The following HAPLN2 variants were observed in gnomAD, a reference collection of about 807,000 sequenced individuals.
The protein encoded by HAPLN2 is brain link protein-1.
Under a neutral mutation model 29.3 loss-of-function variants are expected in HAPLN2, and 27 were observed. That is an observed-to-expected ratio of 0.92 (90% confidence interval 0.68 to 1.27). The LOEUF is 1.27. Among genes scored for constraint, HAPLN2 ranks in the 50% most tolerant of loss-of-function variants. The pLI is 0.00. For missense variants in HAPLN2, 454 were observed against 484.3 expected, an observed-to-expected ratio of 0.94 and a Z score of 0.59; for synonymous variants, 208 against 211.7, an observed-to-expected ratio of 0.98 and a Z score of 0.15.
At chr1:156,624,909 G>GGGCCCCCCC in intron 6 of HAPLN2, 126 bp downstream of exon 6, 2 of 999,518 alleles carry the variant, frequency 2.0e-6, no homozygotes, top group Non-Finnish European at 2.8e-6. Flanking sequence ...CCCCCCATCA[G>GGGCCCCCCC]CCCGCCCGCC....
At chr1:156,601,828 G>A in the HAPLN2 span, among the ~76,000 whole-genome samples, 2 of 150,026 alleles carry the variant, frequency 1.3e-5, no homozygotes, top group East Asian at 4.0e-4. Context: ...GTAGGTGATA[G>A]CTGTGTCCTG....
intron 4 of HAPLN2, 71 bp from the exon 5 acceptor site, chr1:156,624,280 A>G (rs1678363674): frequency 6.6e-7 from 1 of 1,511,606 alleles, no homozygotes; most frequent in Non-Finnish European, 9.0e-7. Context: ...TCCCTCTCCC[A>G]GGCCGCGCCG....
At chr1:156,605,140 T>C in the HAPLN2 span, among the ~76,000 whole-genome samples, 1 of 151,578 alleles carries the variant, frequency 6.6e-6, no homozygotes, top group East Asian at 1.9e-4. Context: ...GTAGCACGAA[T>C]CTGTAATACC....
At position 156,623,892 on chromosome 1, in the gene HAPLN2, C is replaced by T. The variant is rs777889851; in HGVS notation, c.171C>T (p.Cys57=). ...SHRGATATLP[C]VLGTTPPSYK... is the part of the protein sequence containing the mutation. ...GTGGGGCCACGGCCACGCTGCCCTG[C>T]GTCCTGGGCACCACGCCTCCCAGCT... The change falls in exon 4 of 7, where the codon TGC becomes TGT. Residue 57 remains cysteine (C), a synonymous_variant. Coordinates refer to ENST00000255039, the MANE Select transcript of HAPLN2 (RefSeq NM_021817.3). 15 of 1,590,070 alleles carry T rather than the reference C, an allele frequency of 9.4e-6. No individual in the cohort carries two copies. The Admixed American group carries it at 2.3e-4, about 24-fold the overall frequency.
upstream of HAPLN2, among the ~76,000 whole-genome samples, chr1:156,616,716 C>T (rs185471447): frequency 6.6e-6 from 1 of 152,006 alleles, no homozygotes; most frequent in Non-Finnish European, 1.5e-5. Context: ...ATGAGAGAGA[C>T]AGTCGTGGGA....
chr1:156,623,714 G>T, intron 3 of HAPLN2, 93 bp from the exon 4 acceptor site: 1 of 1,492,192 alleles, frequency 6.7e-7, no homozygotes, highest in South Asian at 1.3e-5. Flanking sequence ...AGGGTTGGGG[G>T]GCTCTGGAGA....
the HAPLN2 span, among the ~76,000 whole-genome samples, chr1:156,602,549 CAAAAA>C: frequency 8.8e-3 from 384 of 43,788 alleles, 2 homozygotes; most frequent in Admixed American, 0.023. Context: ...CTAAAAATAC[CAAAAA>C]AAAAAAAAAA....
chr1:156,616,332 C>T (rs549875358), upstream of HAPLN2, among the ~76,000 whole-genome samples: 94 of 152,310 alleles, frequency 6.2e-4, no homozygotes, highest in Non-Finnish European at 1.1e-3. Context: ...ATGAAAGTGA[C>T]CTTGAGTAAA....
the HAPLN2 span, among the ~76,000 whole-genome samples, chr1:156,602,414 A>G: frequency 6.6e-6 from 1 of 152,014 alleles, no homozygotes; most frequent in Non-Finnish European, 1.5e-5. Context: ...ACTTGGAGAA[A>G]GATACAGGAT....
At chr1:156,610,244 T>C in the HAPLN2 span, among the ~76,000 whole-genome samples, 1 of 151,952 alleles carries the variant, frequency 6.6e-6, no homozygotes, top group Non-Finnish European at 1.5e-5. Context: ...CAAATAATGC[T>C]ACAGCCACCC....
At chr1:156,624,505 A>G in intron 5 of HAPLN2, 38 bp downstream of exon 5, 1 of 1,607,432 alleles carries the variant, frequency 6.2e-7, no homozygotes, top group Non-Finnish European at 8.5e-7. Context: ...AGCCCCGCGG[A>G]GCTGTCTCAG....
chr1:156,601,579 G>T, the HAPLN2 span: 1 of 960,770 alleles, frequency 1.0e-6, no homozygotes, highest in Non-Finnish European at 1.6e-6. Flanking sequence ...CCAATTTGCC[G>T]GTATGGTTGC....
In HAPLN2 at chr1:156,621,076, G is replaced by A. The variant is rs569161692; in HGVS notation, c.-25+918G>A. ...AATAGAGTAGCCAGATTTGGAAAAC[G>A]AATGCAGTGAAGTCAAGAAGTCTTC... On this transcript the variant is annotated intron_variant, in intron 2 of 6. Transcript: ENST00000255039. 1.6e-3 allele frequency among the ~76,000 whole-genome samples: 236 copies of A among 149,898 alleles called. No homozygotes were observed. The Middle Eastern group carries it at 0.017, about 11-fold the overall frequency.
intron 2 of HAPLN2, among the ~76,000 whole-genome samples, chr1:156,623,041 T>TAAAAA (rs1463020915): frequency 7.5e-5 from 7 of 93,266 alleles, no homozygotes; most frequent in South Asian, 4.7e-4. Flanking sequence ...CTCAAAAAAA[T>TAAAAA]AAATAAATAA....
At chr1:156,603,145 C>T in the HAPLN2 span, among the ~76,000 whole-genome samples, 2,781 of 151,482 alleles carry the variant, frequency 0.018, 80 homozygotes, top group African/African-American at 0.064. Context: ...ATGGATTCAA[C>T]AGAGAAACAT....
Position 156,620,110 on chromosome 1 carries a change from T to C in HAPLN2, c.-73T>C, listed in dbSNP as rs1678171015. On this transcript the variant is annotated 5_prime_UTR_variant, in exon 2 of 7. Coordinates refer to ENST00000255039, the MANE Select transcript of HAPLN2 (RefSeq NM_021817.3). ...CTCTTCCTCAAGCAAGACAAAAAGC[T>C]GCTAAGCACTGCTCCCTCCGTCTCT... The C allele has an allele frequency of 6.6e-6, 1 of 152,218 alleles. No homozygotes were observed. Among genetic ancestry groups the C allele is most frequent in the South Asian group, 2.1e-4 (1 of 4,828 alleles). The allele number at this position is 152,218 out of a possible 1,614,324, so 9.4% of individuals were successfully genotyped here.
Position 156,624,370 on chromosome 1 carries a change from ACCCAG to A in HAPLN2, c.462_466del (p.Ser155GlyfsTer39). 1 of 1,605,732 alleles carries A rather than the reference ACCCAG, an allele frequency of 6.2e-7. No individual in the cohort carries two copies. On this transcript the variant is annotated frameshift_variant, in exon 5 of 7. Coordinates refer to ENST00000255039, the MANE Select transcript of HAPLN2 (RefSeq NM_021817.3). LOFTEE classifies it high-confidence loss of function. ...CCCTAGGTGTGGTGTTTCCGTACCA[ACCCAG>A]CCGGGGCCGGTACCAGTTCAATTAC...
chr1:156,624,022 G>A lies in HAPLN2; in HGVS notation c.301G>A (p.Ala101Thr), dbSNP rs1678350618. Reference protein sequence around the residue: ...ARGYGPLGGRARMRRGHRLDA... With the variant: ...ARGYGPLGGRTRMRRGHRLDA... ...GGGGTATGGGCCCCTGGGAGGGCGC[G>A]CCAGGATGCGGAGGGGGCATCGACT... The change falls in exon 4 of 7, where the codon GCC (alanine) becomes ACC (threonine). Residue 101 changes from alanine to threonine, a missense_variant. By Grantham distance (58) the Ala-to-Thr change is moderately conservative. Around this residue, in one of 3 missense-constraint regions of HAPLN2, gnomAD observed 204 missense variants for 209.2 expected, o/e 0.98. Coordinates refer to ENST00000255039, the MANE Select transcript of HAPLN2 (RefSeq NM_021817.3). 1 of 1,611,788 alleles carries A rather than the reference G, an allele frequency of 6.2e-7. No individual in the cohort carries two copies.
intron 2 of HAPLN2, among the ~76,000 whole-genome samples, chr1:156,621,193 C>T (rs969596146): frequency 2.7e-5 from 4 of 150,738 alleles, no homozygotes; most frequent in Non-Finnish European, 5.9e-5. Flanking sequence ...CAGCCTCCAC[C>T]TCCTGGTTTC....
Sources: allele counts gnomAD v4.1 joint callset (sites outside exome capture counted in the v4.1 genomes callset), GRCh38; gene constraint gnomAD v4.1.1; regional missense constraint gnomAD v4.1.1; transcripts MANE v1.5; gene names NCBI Gene and HGNC (gene_info 2026-07-23, HGNC 2026-07-21).